C12orf42: variants seen among roughly 807,000 people sequenced by gnomAD.
C12orf42 encodes uncharacterized protein C12orf42.
In C12orf42, 25 loss-of-function variants were observed where a neutral mutation model predicts 21.6. The ratio of observed to expected loss-of-function variants is 1.16; its 90% CI spans 0.84 to 1.62. C12orf42 has a LOEUF of 1.62. Ranked by LOEUF, C12orf42 falls within the 40% of genes most tolerant of loss-of-function variation. The pLI, the probability that C12orf42 is intolerant of heterozygous loss-of-function variation, is 0.00. For missense variants in C12orf42, 483 were observed against 459.3 expected, an observed-to-expected ratio of 1.05 and a Z score of -0.47; for synonymous variants, 174 against 175.0, an observed-to-expected ratio of 0.99 and a Z score of 0.05.
the C12orf42 span, among the ~76,000 whole-genome samples, chr12:103,173,299 T>C: frequency 6.6e-6 from 1 of 152,178 alleles, no homozygotes; most frequent in Non-Finnish European, 1.5e-5. Flanking sequence ...TAAGTGATAC[T>C]TCTGAGTTCA....
intron 1 of C12orf42, among the ~76,000 whole-genome samples, chr12:103,493,327 G>T (rs148216583): frequency 7.7e-4 from 117 of 152,052 alleles, no homozygotes; most frequent in African/African-American, 2.6e-3. Flanking sequence ...CCACATCAGC[G>T]TTGCTTCAGT....
the C12orf42 span, among the ~76,000 whole-genome samples, chr12:103,066,412 C>G: frequency 6.6e-6 from 1 of 152,190 alleles, no homozygotes; most frequent in Admixed American, 6.5e-5. Flanking sequence ...CTCCCCCATC[C>G]TGCACCAATG....
At chr12:103,500,491 T>C (rs548061411), upstream of C12orf42, among the ~76,000 whole-genome samples, 1,313 of 149,214 alleles carry the variant, frequency 8.8e-3, 19 homozygotes, top group African/African-American at 0.032. Context: ...CACTCCTGGA[T>C]TGGGTAAAAC....
At chr12:103,176,902 A>T in the C12orf42 span, among the ~76,000 whole-genome samples, 2 of 152,216 alleles carry the variant, frequency 1.3e-5, no homozygotes, top group African/African-American at 4.8e-5. Flanking sequence ...TAGTGGAAAC[A>T]GGTAGACCTG....
At chr12:103,150,065 A>G in the C12orf42 span, among the ~76,000 whole-genome samples, 727 of 152,316 alleles carry the variant, frequency 4.8e-3, 3 homozygotes, top group Admixed American at 5.4e-3. Context: ...GGAAATTTAT[A>G]TAAGTATATT....
At chr12:103,159,031 A>T in the C12orf42 span, among the ~76,000 whole-genome samples, 1 of 152,172 alleles carries the variant, frequency 6.6e-6, no homozygotes, top group Non-Finnish European at 1.5e-5. Context: ...ATAATCTATC[A>T]CAAAACATAG....
At chr12:103,315,360 G>A (rs1032622913) in intron 4 of C12orf42, among the ~76,000 whole-genome samples, 4 of 152,256 alleles carry the variant, frequency 2.6e-5, no homozygotes, top group Admixed American at 2.6e-4. Context: ...AGATGGCAAG[G>A]TAAACATAAT....
intron 2 of C12orf42, among the ~76,000 whole-genome samples, chr12:103,423,186 C>T (rs367570101): frequency 1.2e-4 from 19 of 152,316 alleles, no homozygotes; most frequent in South Asian, 1.2e-3. Flanking sequence ...CCCTTTGTCA[C>T]GGGGTCAAAG....
At chr12:103,325,963 C>T (rs1234935749) in intron 4 of C12orf42, among the ~76,000 whole-genome samples, 1 of 152,110 alleles carries the variant, frequency 6.6e-6, no homozygotes, top group Non-Finnish European at 1.5e-5. Flanking sequence ...ACAATAGCAT[C>T]CTAAGACAAG....
At chr12:103,409,504 G>A (rs1169654242) in intron 2 of C12orf42, among the ~76,000 whole-genome samples, 1 of 152,158 alleles carries the variant, frequency 6.6e-6, no homozygotes, top group Non-Finnish European at 1.5e-5. Context: ...CTGCAAGGGG[G>A]AGGACAGGAG....
chr12:103,461,389 G>A (rs1952686346), intron 2 of C12orf42, among the ~76,000 whole-genome samples: 1 of 152,030 alleles, frequency 6.6e-6, no homozygotes, highest in African/African-American at 2.4e-5. Flanking sequence ...CATGGGCTTA[G>A]AAATTAAAGT....
chr12:103,298,898 T>C (rs1169391064), downstream of C12orf42, among the ~76,000 whole-genome samples: 1 of 152,180 alleles, frequency 6.6e-6, no homozygotes, highest in East Asian at 1.9e-4. Flanking sequence ...AAAAGAACTA[T>C]GTCACAATAA....
chr12:103,523,396 A>G, the C12orf42 span, among the ~76,000 whole-genome samples: 1 of 152,006 alleles, frequency 6.6e-6, no homozygotes, highest in African/African-American at 2.4e-5. Flanking sequence ...TTCTCTATCA[A>G]TAATAGTATC....
intron 2 of C12orf42, among the ~76,000 whole-genome samples, chr12:103,466,740 T>C (rs1186862269): frequency 6.6e-6 from 1 of 152,204 alleles, no homozygotes; most frequent in Non-Finnish European, 1.5e-5. Context: ...TTGTGGCAAC[T>C]CCCACTGGGA....
the C12orf42 span, among the ~76,000 whole-genome samples, chr12:103,104,646 G>A: frequency 2.8e-4 from 43 of 152,282 alleles, 1 homozygote; most frequent in Middle Eastern, 0.01. Flanking sequence ...TCACCATGTT[G>A]GCCGGGATGG....
chr12:103,194,898 G>A, the C12orf42 span, among the ~76,000 whole-genome samples: 1 of 152,034 alleles, frequency 6.6e-6, no homozygotes, highest in Non-Finnish European at 1.5e-5. Flanking sequence ...CATCACCCAG[G>A]TAACAAACAT....
chr12:103,111,849 TGAA>T, the C12orf42 span, among the ~76,000 whole-genome samples: 3 of 152,184 alleles, frequency 2.0e-5, no homozygotes, highest in Admixed American at 6.5e-5. Flanking sequence ...AAAAGGAACA[TGAA>T]GAATCAGTAT....
chr12:103,373,021 C>T (rs1437677255), intron 3 of C12orf42, among the ~76,000 whole-genome samples: 1 of 152,152 alleles, frequency 6.6e-6, no homozygotes, highest in African/African-American at 2.4e-5. Flanking sequence ...CTTCTTAAAA[C>T]ACCTTACATT....
chr12:103,248,353 T>C (rs374613500), intron 10 of C12orf42, among the ~76,000 whole-genome samples: 4 of 152,044 alleles, frequency 2.6e-5, no homozygotes, highest in East Asian at 3.9e-4. Context: ...TATGGCCTGA[T>C]ATTACAGTAA....
Sources: allele counts gnomAD v4.1 joint callset (sites outside exome capture counted in the v4.1 genomes callset), GRCh38; gene constraint gnomAD v4.1.1; transcripts MANE v1.5; gene names NCBI Gene and HGNC (gene_info 2026-07-23, HGNC 2026-07-21).